The following MAGED1 variants were observed in gnomAD, a reference collection of about 807,000 sequenced individuals.
The protein encoded by MAGED1 is melanoma-associated antigen D1.
A neutral mutation model predicts 54.1 loss-of-function variants in MAGED1; 3 were observed. The ratio of observed to expected loss-of-function variants is 0.06; its 90% CI spans 0.03 to 0.14. MAGED1 has a LOEUF of 0.14. Among genes scored for constraint, MAGED1 ranks in the 10% least tolerant of loss-of-function variants. MAGED1 has a pLI of 1.00. For synonymous variants in MAGED1, 217 were observed against 227.3 expected, an observed-to-expected ratio of 0.95 and a Z score of 0.41; for missense variants, 485 against 623.4, an observed-to-expected ratio of 0.78 and a Z score of 2.36.
rs1381332385 is a variant in MAGED1 at position 51,895,276 on chromosome X, G to A, written c.269G>A (p.Gly90Asp). 8.3e-7 allele frequency: 1 copy of A among 1,209,767 alleles called. No individual in the cohort carries two copies. The highest frequency in any genetic ancestry group is 1.7e-5 in the African/African-American group (1 of 57,265). The change falls in exon 3 of 13, where the codon GGT becomes GAT. Residue 90 changes from glycine to aspartate, a missense_variant. This residue lies in a region of MAGED1 where 299 missense variants were observed against 293.1 expected (regional missense o/e 1.02). Coordinates refer to ENST00000326587, the MANE Select transcript of MAGED1 (RefSeq NM_006986.4). ...AATGCCACCACAAAAGGCCCAAATG[G>A]TGTCTATGATTTCTCTCAGGCTCAT... ...VQNATTKGPN[G>D]VYDFSQAHNA...
chrX:51,869,313 C>CT (rs1177926239), intron 1 of MAGED1, among the ~76,000 whole-genome samples: 1 of 111,272 alleles, frequency 9.0e-6, no homozygotes, highest in Admixed American at 9.5e-5. Context: ...GGTACCATAT[C>CT]TGTTCTGGTC....
At chrX:51,831,498 A>C (rs1926067020) in intron 1 of MAGED1, among the ~76,000 whole-genome samples, 1 of 111,208 alleles carries the variant, frequency 9.0e-6, no homozygotes, top group African/African-American at 3.3e-5. Context: ...CTGTGGTCCT[A>C]GCTACTCAGG....
At chrX:51,855,772 C>G (rs868969036) in intron 1 of MAGED1, among the ~76,000 whole-genome samples, 2 of 110,987 alleles carry the variant, frequency 1.8e-5, no homozygotes, top group East Asian at 5.6e-4. Context: ...ATGATCTGCC[C>G]GCCTCGGCCT....
chrX:51,888,085 T>C (rs1346258050), intron 1 of MAGED1, among the ~76,000 whole-genome samples: 1 of 111,445 alleles, frequency 9.0e-6, no homozygotes, highest in Non-Finnish European at 1.9e-5. Context: ...AAACAATGGA[T>C]AAGACCTACT....
At chrX:51,843,769 GTGGCT>G (rs1926589938) in intron 1 of MAGED1, among the ~76,000 whole-genome samples, 1 of 111,925 alleles carries the variant, frequency 8.9e-6, no homozygotes, top group African/African-American at 3.2e-5. Flanking sequence ...AAATGTGGAA[GTGGCT>G]TTGGAATTGG....
chrX:51,870,622 A>C (rs1232243232), intron 1 of MAGED1: 2 of 112,318 alleles, frequency 1.8e-5, no homozygotes, highest in Non-Finnish European at 3.8e-5. Flanking sequence ...GGTAAGGTTG[A>C]TATGTAGAAG....
At chrX:51,817,376 ATGT>A (rs1925474105) in intron 1 of MAGED1, among the ~76,000 whole-genome samples, 1 of 111,825 alleles carries the variant, frequency 8.9e-6, no homozygotes, top group Admixed American at 9.4e-5. Flanking sequence ...CATAACGCTA[ATGT>A]TGTGGTCCCA....
At chrX:51,842,953 C>T (rs1471339091) in intron 1 of MAGED1, among the ~76,000 whole-genome samples, 2 of 111,093 alleles carry the variant, frequency 1.8e-5, no homozygotes, top group Non-Finnish European at 3.8e-5. Flanking sequence ...CCTCAGCCTC[C>T]CAGAGTTCTG....
intron 1 of MAGED1, among the ~76,000 whole-genome samples, chrX:51,855,419 A>G (rs1557360115): frequency 9.0e-6 from 1 of 110,953 alleles, no homozygotes. Flanking sequence ...ACTGTGTACC[A>G]CAGTCTGGGT....
At chrX:51,882,194 A>G (rs1928079716) in intron 1 of MAGED1, among the ~76,000 whole-genome samples, 1 of 112,222 alleles carries the variant, frequency 8.9e-6, no homozygotes, top group Non-Finnish European at 1.9e-5. Flanking sequence ...TTACTTATTT[A>G]GATTATTACT....
At chrX:51,836,223 AT>A (rs1926242846) in intron 1 of MAGED1, among the ~76,000 whole-genome samples, 5 of 105,857 alleles carry the variant, frequency 4.7e-5, no homozygotes. Context: ...TTATTTTGTA[AT>A]TTCAAGCTTC....
rs181773756 is a variant in MAGED1 at position 51,839,453 on chromosome X, G to C, written c.-37+36336G>C. ...ATGAGCAGCTTCAGATCCATGACAA[G>C]TCCTTCCCTTCCTGTTCCATACCTG... On this transcript the variant is annotated intron_variant, in intron 1 of 12. Transcript: ENST00000375772. 2.2e-4 allele frequency among the ~76,000 whole-genome samples: 25 copies of C among 111,880 alleles called. No individual in the cohort carries two copies. In the East Asian group the frequency reaches 5.9e-3, roughly 26 times the overall value.
Position 51,897,905 on chromosome X carries a change from TGGAACATG to T in MAGED1, c.1658+21_1658+28del. The T allele has an allele frequency of 8.8e-7, 1 of 1,134,662 alleles. No homozygotes were observed. Among genetic ancestry groups the T allele is most frequent in the Non-Finnish European group, 1.2e-6 (1 of 828,735 alleles). 93.5% of individuals were successfully genotyped at this position (1,134,662 alleles called of 1,213,427 possible). ...TGGGAACGTAAGATGGGAAAGAAGG[TGGAACATG>T]GCCTTTCTCAGTGGTGCTTTTTTTC... On this transcript the variant is annotated intron_variant, in intron 7 of 12. Transcript: ENST00000326587.
chrX:51,897,881 G>A lies in MAGED1; in HGVS notation c.1653G>A (p.Leu551=). Residue 551 remains leucine, a synonymous_variant, in exon 7 of 13, where the codon CTG becomes CTA. Transcript: ENST00000326587. The part of the protein sequence containing the change: ...ISTPESLAGI[L]GTTKDTPKLG... The stretch of plus-strand genomic sequence containing the variant: ...CCCCCGAGTCCCTGGCTGGCATACT[G>A]GGAACGTAAGATGGGAAAGAAGGTG... 8.4e-7 allele frequency: 1 copy of A among 1,184,737 alleles called. No homozygotes were observed. The highest frequency in any genetic ancestry group is 1.1e-6 in the Non-Finnish European group (1 of 872,888).
chrX:51,882,933 C>T (rs782349193), intron 1 of MAGED1, among the ~76,000 whole-genome samples: 3 of 111,742 alleles, frequency 2.7e-5, no homozygotes, highest in East Asian at 2.8e-4. Flanking sequence ...TCAGGTGATC[C>T]GCCTGCCTCA....
At chrX:51,872,987 A>T (rs144591076) in intron 1 of MAGED1, among the ~76,000 whole-genome samples, 1 of 111,112 alleles carries the variant, frequency 9.0e-6, no homozygotes, top group African/African-American at 3.3e-5. Flanking sequence ...TGCTCTGTCT[A>T]TGGAGCAGTC....
chrX:51,819,157 CT>C (rs1389696286), intron 1 of MAGED1, among the ~76,000 whole-genome samples: 11 of 109,539 alleles, frequency 1.0e-4, no homozygotes, highest in African/African-American at 3.3e-4. Context: ...AGTTTGCTGA[CT>C]TTTTTTTTAA....
intron 1 of MAGED1, among the ~76,000 whole-genome samples, chrX:51,852,547 C>G (rs1393631682): frequency 8.9e-6 from 1 of 112,170 alleles, no homozygotes; most frequent in Admixed American, 9.5e-5. Flanking sequence ...TTAGACAATA[C>G]TTCCAAGGAA....
At chrX:51,873,532 T>TGAGA (rs782364762) in intron 1 of MAGED1, among the ~76,000 whole-genome samples, 2,991 of 28,544 alleles carry the variant, frequency 0.1, 52 homozygotes, top group Admixed American at 0.16. Flanking sequence ...TGTGTGTGTG[T>TGAGA]GTGAGAGAGA....
Sources: allele counts gnomAD v4.1 joint callset (sites outside exome capture counted in the v4.1 genomes callset), GRCh38; gene constraint gnomAD v4.1.1; regional missense constraint gnomAD v4.1.1; transcripts MANE v1.5; gene names NCBI Gene and HGNC (gene_info 2026-07-23, HGNC 2026-07-21).